GUCY2F: variants seen among roughly 807,000 people sequenced by gnomAD.
The protein encoded by GUCY2F is retinal guanylyl cyclase 2.
Under a neutral mutation model 73.1 loss-of-function variants are expected in GUCY2F, and 61 were observed. The observed-to-expected ratio is 0.83, with a 90% CI of 0.68 to 1.03. The LOEUF is 1.03. GUCY2F is among the 50% of genes least tolerant of loss of function. GUCY2F has a pLI of 0.00. For synonymous variants in GUCY2F, 331 were observed against 307.8 expected, an observed-to-expected ratio of 1.08 and a Z score of -0.79; for missense variants, 912 against 854.3, an observed-to-expected ratio of 1.07 and a Z score of -0.84.
intron 10 of GUCY2F, among the ~76,000 whole-genome samples, chrX:109,402,838 C>A (rs1157460928): frequency 1.8e-5 from 2 of 111,464 alleles, no homozygotes; most frequent in Non-Finnish European, 3.8e-5. Flanking sequence ...AATTTAATAA[C>A]CCACAAGTCT....
chrX:109,412,280 T>C (rs996823245), intron 8 of GUCY2F, among the ~76,000 whole-genome samples: 1 of 111,761 alleles, frequency 8.9e-6, no homozygotes, highest in Non-Finnish European at 1.9e-5. Context: ...TAAAGAATTA[T>C]TCTATTTTGA....
intron 8 of GUCY2F, among the ~76,000 whole-genome samples, chrX:109,425,790 A>G (rs1182005083): frequency 9.0e-6 from 1 of 111,317 alleles, no homozygotes; most frequent in Non-Finnish European, 1.9e-5. Context: ...GTTCCCCCCA[A>G]AAAACTATGG....
chrX:109,446,385 C>T (rs1333657514), intron 6 of GUCY2F, among the ~76,000 whole-genome samples: 2 of 111,852 alleles, frequency 1.8e-5, no homozygotes, highest in African/African-American at 3.3e-5. Context: ...TACTACAAGG[C>T]TACAGTAACC....
At chrX:109,429,957 G>C (rs139805505) in intron 8 of GUCY2F, among the ~76,000 whole-genome samples, 2 of 112,589 alleles carry the variant, frequency 1.8e-5, no homozygotes, top group Non-Finnish European at 3.8e-5. Context: ...CAGGAAATGC[G>C]CAAGATGCTT....
At chrX:109,385,707 T>A (rs1930420803) in intron 15 of GUCY2F, among the ~76,000 whole-genome samples, 1 of 112,222 alleles carries the variant, frequency 8.9e-6, no homozygotes, top group African/African-American at 3.2e-5. Context: ...ACTGTGTCTA[T>A]CAAGAGAATT....
At chrX:109,406,053 T>A (rs1401646931) in intron 9 of GUCY2F, among the ~76,000 whole-genome samples, 1 of 111,662 alleles carries the variant, frequency 9.0e-6, no homozygotes, top group East Asian at 2.8e-4. Flanking sequence ...GTCAAGACTA[T>A]GATCAGTATG....
chrX:109,375,959 C>T lies in GUCY2F; in HGVS notation c.3267G>A (p.Val1089=), dbSNP rs747715541. 8.3e-7 allele frequency: 1 copy of T among 1,207,346 alleles called. No individual in the cohort carries two copies. The highest frequency in any genetic ancestry group is 1.7e-5 in the African/African-American group (1 of 57,343). The change falls in exon 19 of 20, where the codon GTG becomes GTA. Residue 1089 remains valine (V), a synonymous_variant. Transcript: ENST00000218006. ...TTCTTCTTTGGAAGGCTGCAATCTC[C>T]ACTGGTTGCAGGCCATGGCCCACTT... ...DGQVGHGLQP[V]EIAAFQRRKA...
chrX:109,423,314 C>T (rs1403300942), intron 8 of GUCY2F, among the ~76,000 whole-genome samples: 3 of 111,299 alleles, frequency 2.7e-5, no homozygotes, highest in Non-Finnish European at 3.8e-5. Context: ...TTTGCTAATC[C>T]CTATTTTATA....
In GUCY2F at chrX:109,392,884, T is replaced by A. The variant is rs1256296754; in HGVS notation, c.2588+8A>T. 1.8e-6 allele frequency: 2 copies of A among 1,117,261 alleles called. No homozygotes were observed. The highest frequency in any genetic ancestry group is 1.8e-5 in the African/African-American group (1 of 55,633). 92.1% of individuals were successfully genotyped at this position (1,117,261 alleles called of 1,213,427 possible). A position where few individuals can be genotyped will look rare whatever the true frequency, so the allele number is the denominator to read the frequency against. ...AAGGATTCACACTCCTCAGGTGTTC[T>A]CACATACGGTGGTAGCATCTGTGTT... is the stretch of plus-strand genomic sequence containing the variant. On this transcript the variant is annotated splice_region_variant and intron_variant, in intron 13 of 19. Transcript: ENST00000218006.
chrX:109,394,732 G>A (rs1331714765), intron 12 of GUCY2F, among the ~76,000 whole-genome samples: 1 of 112,046 alleles, frequency 8.9e-6, no homozygotes, highest in Admixed American at 9.4e-5. Context: ...TCTAGGGAGA[G>A]AATCACCCCC....
chrX:109,415,993 C>T (rs73530218), intron 8 of GUCY2F, among the ~76,000 whole-genome samples: 4,108 of 110,583 alleles, frequency 0.037, 155 homozygotes, highest in African/African-American at 0.12. Context: ...GAAGAGTGAC[C>T]GAAAGCAGAA....
At chrX:109,414,305 T>C (rs992082313) in intron 8 of GUCY2F, among the ~76,000 whole-genome samples, 27 of 111,510 alleles carry the variant, frequency 2.4e-4, no homozygotes, top group African/African-American at 7.8e-4. Flanking sequence ...CATGAGTTAA[T>C]TGGTGATTCA....
rs776207681 is a variant in GUCY2F, at chrX:109,388,644, GC to G, written c.2800del (p.Ala934ProfsTer25). 14 of 1,188,579 alleles carry G rather than the reference GC, an allele frequency of 1.2e-5. No homozygotes were observed. Among genetic ancestry groups the G allele is most frequent in the Non-Finnish European group, 1.6e-5 (14 of 876,498 alleles). On this transcript the variant is annotated frameshift_variant, in exon 15 of 20. Transcript: ENST00000218006. LOFTEE classifies it high-confidence loss of function. Reference protein sequence around the residue: ...DVYKVETIGDAYMVASGLPKR... With the variant: ...DVYKVETIGDXYMVASGLPKR... ...TGGGAGGCCTGAAGCCACCATGTAG[GC>G]ATCTCCAATGGTCTCTACCTGGGAA...
intron 7 of GUCY2F, among the ~76,000 whole-genome samples, chrX:109,431,836 T>C (rs185396459): frequency 3.7e-5 from 4 of 108,527 alleles, no homozygotes; most frequent in Non-Finnish European, 7.6e-5. Flanking sequence ...CACTTTGTAT[T>C]AGCATTTACT....
chrX:109,417,735 TG>T (rs1281252497), intron 8 of GUCY2F, among the ~76,000 whole-genome samples: 1 of 110,848 alleles, frequency 9.0e-6, no homozygotes, highest in Non-Finnish European at 1.9e-5. Flanking sequence ...CACAAATGCC[TG>T]CTCCCTAAAT....
At chrX:109,403,177 T>C (rs935323835) in intron 10 of GUCY2F, among the ~76,000 whole-genome samples, 4 of 111,167 alleles carry the variant, frequency 3.6e-5, no homozygotes, top group Non-Finnish European at 5.7e-5. Flanking sequence ...TTCTCTTTCT[T>C]TTTCCTCTTT....
At chrX:109,431,244 T>C (rs758025734) in intron 7 of GUCY2F, among the ~76,000 whole-genome samples, 1 of 111,817 alleles carries the variant, frequency 8.9e-6, no homozygotes, top group East Asian at 2.8e-4. Context: ...TTTTTCTCCA[T>C]AATAGTAATA....
At chrX:109,476,095 T>G in intron 1 of GUCY2F, 74 bp from the exon 2 acceptor site, 2 of 344,007 alleles carry the variant, frequency 5.8e-6, no homozygotes, top group African/African-American at 3.8e-5. Flanking sequence ...TGTGAAAGAA[T>G]GGCAAAAAAA....
At chrX:109,426,445 G>C (rs1251228490) in intron 8 of GUCY2F, among the ~76,000 whole-genome samples, 1 of 112,325 alleles carries the variant, frequency 8.9e-6, no homozygotes, top group African/African-American at 3.2e-5. Flanking sequence ...CTGGAGTGCA[G>C]TGGCGTGATC....
Sources: allele counts gnomAD v4.1 joint callset (sites outside exome capture counted in the v4.1 genomes callset), GRCh38; gene constraint gnomAD v4.1.1; transcripts MANE v1.5; gene names NCBI Gene and HGNC (gene_info 2026-07-23, HGNC 2026-07-21).